Variants in SCAMP4 observed in about 807,000 individuals in gnomAD.
The protein encoded by SCAMP4 is secretory carrier membrane protein 4.
SCAMP4 carries 19 observed loss-of-function variants against 32.1 expected under a neutral mutation model. That is an observed-to-expected ratio of 0.59 (90% CI 0.41 to 0.87). The LOEUF is 0.87. Ranked by LOEUF, SCAMP4 falls within the 40% of genes least tolerant of loss-of-function variation. The probability of loss-of-function intolerance (pLI) is 0.00; values close to 1 mark genes in which losing one functional copy is unlikely to be tolerated. For synonymous variants in SCAMP4, 152 were observed against 132.7 expected (o/e 1.15, Z -1.00); for missense variants, 302 against 309.0 (o/e 0.98, Z 0.17).
intron 1 of SCAMP4, chr19:1,913,359 T>C (rs563167560): frequency 1.0e-4 from 74 of 722,268 alleles, no homozygotes; most frequent in Non-Finnish European, 1.5e-4. Flanking sequence ...AGCGGTGCCC[T>C]TCTGCGGCCG....
At chr19:1,920,269 C>A in intron 5 of SCAMP4, 1 of 985,448 alleles carries the variant, frequency 1.0e-6, no homozygotes, top group Non-Finnish European at 1.2e-6. Flanking sequence ...GCCGTGGGTG[C>A]CTTTGGTTTC....
intron 5 of SCAMP4, chr19:1,919,262 G>A: frequency 7.6e-7 from 1 of 1,312,430 alleles, no homozygotes; most frequent in South Asian, 1.6e-5. Context: ...CCAGCGCCCA[G>A]CCAGGCTTGT....
intron 1 of SCAMP4, chr19:1,912,015 C>T (rs1301304252): frequency 7.0e-7 from 1 of 1,419,540 alleles, no homozygotes; most frequent in African/African-American, 1.5e-5. Flanking sequence ...GGACGGACTC[C>T]CCGGCTCTCC....
chr19:1,910,822 G>A (rs148952582), intron 1 of SCAMP4, among the ~76,000 whole-genome samples: 2,680 of 151,604 alleles, frequency 0.018, 73 homozygotes, highest in African/African-American at 0.059. Flanking sequence ...TGATCTGCCC[G>A]CCTCAGCCTC....
rs530116059 is a variant in SCAMP4 at position 1,918,046 on chromosome 19, G to T, written c.137-81G>T. ...CACTGGGCTGGGGAGGCGGACAGCGGGTGCCCCATTGCTGGGCCCATGCTT... is the reference window on the plus strand; with the variant it reads ...CACTGGGCTGGGGAGGCGGACAGCGTGTGCCCCATTGCTGGGCCCATGCTT... On this transcript the variant is annotated intron_variant, in intron 3 of 6. Transcript: ENST00000316097. 4 of 1,519,168 alleles carry T rather than the reference G, an allele frequency of 2.6e-6. No individual in the cohort carries two copies. In the South Asian group the frequency reaches 5.0e-5, roughly 19 times the overall value. The allele number at this position is 1,519,168 out of a possible 1,614,324, so 94.1% of individuals were successfully genotyped here.
At chr19:1,912,035 C>T (rs2013479300) in intron 1 of SCAMP4, 1 of 1,416,420 alleles carries the variant, frequency 7.1e-7, no homozygotes, top group South Asian at 1.5e-5. Context: ...CCCCAGCCGC[C>T]CGCAGCCGCC....
At position 1,909,077 on chromosome 19, in the gene SCAMP4, C is replaced by T. The variant is rs2013294191; in HGVS notation, c.-42+3638C>T. Among the ~76,000 whole-genome samples the T allele has an allele frequency of 1.3e-5, 2 of 150,342 alleles. 1 individual carries two copies. Among genetic ancestry groups the T allele is most frequent in the South Asian group, 4.2e-4 (2 of 4,782 alleles). ...CTGAGATCATGCCACTGCACTCCAG[C>T]CTGGGCAACAGAGTGAGACTCTGTC... On this transcript the variant is annotated intron_variant, in intron 1 of 6. Coordinates refer to ENST00000316097, the MANE Select transcript of SCAMP4 (RefSeq NM_079834.4).
chr19:1,917,686 C>A lies in SCAMP4; in HGVS notation c.8-8C>A. 1.9e-6 allele frequency: 3 copies of A among 1,613,900 alleles called. No homozygotes were observed. Among genetic ancestry groups the A allele is most frequent in the Non-Finnish European group, 2.5e-6 (3 of 1,179,852 alleles). On this transcript the variant is annotated splice_region_variant and splice_polypyrimidine_tract_variant and intron_variant, in intron 2 of 6. Transcript: ENST00000316097. ...CTGGTTCTGTCCGTGGGTTCTCTGT[C>A]CCTACAGAAAAGGAGAACAACTTCC...
At chr19:1,920,373 G>A (rs1184622284) in intron 5 of SCAMP4, 61 of 910,634 alleles carry the variant, frequency 6.7e-5, no homozygotes, top group Non-Finnish European at 7.9e-5. Flanking sequence ...TCCAGATAAG[G>A]TCCCAGGTTT....
At position 1,908,476 on chromosome 19, in the gene SCAMP4, A is replaced by G. The variant is rs73916818; in HGVS notation, c.-42+3037A>G. ...CGGCTGCGAAATGATCCAGAGACAC[A>G]TCCCTGTCTGCGGGAGGAGCCGTCC... On this transcript the variant is annotated intron_variant, in intron 1 of 6. Coordinates refer to ENST00000316097, the MANE Select transcript of SCAMP4 (RefSeq NM_079834.4). This position sits in a 1 kb window ranked among gnomAD's most constrained non-coding sequence, Gnocchi z 4.2. 1.9e-3 allele frequency: 899 copies of G among 470,926 alleles called. 8 individuals are homozygous for G. Among genetic ancestry groups the G allele is most frequent in the African/African-American group, 0.017 (832 of 50,142 alleles). 29.2% of individuals were successfully genotyped at this position (470,926 alleles called of 1,614,324 possible). A position where few individuals can be genotyped will look rare whatever the true frequency, so the allele number is the denominator to read the frequency against.
At position 1,924,465 on chromosome 19, in the gene SCAMP4, C is replaced by T. The variant is rs1168206133; in HGVS notation, c.*181C>T. On this transcript the variant is annotated 3_prime_UTR_variant, in exon 7 of 7. Transcript: ENST00000316097. ...CCACAGAACCCGTGTTCATCTCATC[C>T]GAGAGCGGAGTTCCTCACAAGCACT... The T allele has an allele frequency of 1.0e-4, 61 of 608,402 alleles. No homozygotes were observed. The highest frequency in any genetic ancestry group is 2.9e-4 in the South Asian group (15 of 51,904). 37.7% of individuals were successfully genotyped at this position (608,402 alleles called of 1,614,324 possible).
chr19:1,912,385 C>T, intron 1 of SCAMP4: 2 of 1,519,622 alleles, frequency 1.3e-6, no homozygotes, highest in South Asian at 2.4e-5. Flanking sequence ...CTTTGCCTGG[C>T]TGGGCCGGCC....
intron 1 of SCAMP4, chr19:1,911,928 T>C: frequency 1.5e-6 from 2 of 1,290,338 alleles, no homozygotes; most frequent in Non-Finnish European, 2.0e-6. Flanking sequence ...TCTGATGCGG[T>C]GACCTGGGCC....
chr19:1,923,905 G>A (rs546896625), intron 6 of SCAMP4, among the ~76,000 whole-genome samples: 4 of 106,998 alleles, frequency 3.7e-5, no homozygotes, highest in Admixed American at 1.0e-4. Context: ...GATGACAGGC[G>A]TGAGCCACCG....
rs1401175313 is a variant in SCAMP4 at position 1,924,059 on chromosome 19, C to CTATTTTTTATATTGTAGTAGAGACA, written c.514-49_514-48insTATTTTTTATATTGTAGTAGAGACA. On this transcript the variant is annotated intron_variant, in intron 6 of 6. Transcript: ENST00000316097. ...ACAGGCGTGAGTCCCCGTGCCCGGC[C>CTATTTTTTATATTGTAGTAGAGACA]GCCATGCTCATTTTCTGTCTTCTGC... 2.5e-5 allele frequency: 39 copies of CTATTTTTTATATTGTAGTAGAGACA among 1,541,456 alleles called. No homozygotes were observed. The African/African-American group carries it at 3.2e-4, about 12-fold the overall frequency.
intron 1 of SCAMP4, among the ~76,000 whole-genome samples, chr19:1,907,828 T>C (rs1250852944): frequency 2.0e-5 from 3 of 152,070 alleles, no homozygotes; most frequent in Non-Finnish European, 2.9e-5. Context: ...TGGGGGGCAG[T>C]CGCTGTGGGA....
chr19:1,919,080 G>A (rs372096213), intron 5 of SCAMP4, 90 bp downstream of exon 5: 69 of 1,548,292 alleles, frequency 4.5e-5, no homozygotes, highest in South Asian at 4.2e-4. Flanking sequence ...CCACCGGAGC[G>A]TGCTGGTCCG....
At position 1,924,186 on chromosome 19, in the gene SCAMP4, C is replaced by T; in HGVS notation, c.592C>T (p.Pro198Ser). 1 of 1,611,260 alleles carries T rather than the reference C, an allele frequency of 6.2e-7. No individual in the cohort carries two copies. Among genetic ancestry groups the T allele is most frequent in the Non-Finnish European group, 8.5e-7 (1 of 1,178,750 alleles). The change falls in exon 7 of 7, where the codon CCA (proline) becomes TCA (serine). Residue 198 changes from proline (P) to serine (S), a missense_variant. Pro to Ser is a moderately conservative substitution (Grantham distance 74). Transcript: ENST00000316097. ...GTGGAACACGGGCACTTGGCGGAAC[C>T]CACCGTCGAGGGAGGCCCAGTACAA... ...TEWNTGTWRN[P>S]PSREAQYNNF...
intron 1 of SCAMP4, among the ~76,000 whole-genome samples, chr19:1,911,334 G>A (rs2013435325): frequency 6.6e-6 from 1 of 152,086 alleles, no homozygotes; most frequent in African/African-American, 2.4e-5. Context: ...ACCACGCCCA[G>A]CTAATTTTTT....
Sources: gnomAD v4.1 joint callset for allele counts (sites outside exome capture counted in the v4.1 genomes callset) on GRCh38, gnomAD v4.1.1 for gene constraint, Gnocchi (gnomAD v3.1) non-coding constraint, MANE v1.5 for transcripts, NCBI Gene and HGNC (gene_info 2026-07-23, HGNC 2026-07-21) for gene names.